KCNK9: variants seen among roughly 807,000 people sequenced by gnomAD.
KCNK9 encodes potassium channel subfamily K member 9.
In KCNK9, 1 loss-of-function variant was observed where a neutral mutation model predicts 10.8. That is an observed-to-expected ratio of 0.09 (90% CI 0.03 to 0.44). The LOEUF is 0.44. Ranked by LOEUF, KCNK9 falls within the 20% of genes least tolerant of loss-of-function variation. KCNK9 has a pLI of 0.97. For synonymous variants in KCNK9, 231 were observed against 222.7 expected, an observed-to-expected ratio of 1.04 and a Z score of -0.33; for missense variants, 303 against 515.0, an observed-to-expected ratio of 0.59 and a Z score of 3.98.
At position 139,702,193 on chromosome 8, in the gene KCNK9, G is replaced by C. The variant is rs1817237654; in HGVS notation, c.283+517C>G. Among the ~76,000 whole-genome samples the C allele has an allele frequency of 6.6e-6, 1 of 152,178 alleles. No homozygotes were observed. Among genetic ancestry groups the C allele is most frequent in the South Asian group, 2.1e-4 (1 of 4,824 alleles). On this transcript the variant is annotated intron_variant, in intron 1 of 1. Coordinates refer to ENST00000520439, the MANE Select transcript of KCNK9 (RefSeq NM_001282534.2). This position sits in a 1 kb window ranked among gnomAD's most constrained non-coding sequence, Gnocchi z 7.5. ...AGAGATGAAATCTGAGCTCAGAGAA[G>C]CCTGGAGCGGGGCCCAGGGGCTACG...
At chr8:139,631,856 C>T (rs947425659) in intron 1 of KCNK9, among the ~76,000 whole-genome samples, 1 of 152,108 alleles carries the variant, frequency 6.6e-6, no homozygotes, top group Non-Finnish European at 1.5e-5. Flanking sequence ...TCAAATCAAA[C>T]TTTAATTCCT....
At chr8:139,673,123 G>C (rs1206129008) in intron 1 of KCNK9, among the ~76,000 whole-genome samples, 1 of 152,156 alleles carries the variant, frequency 6.6e-6, no homozygotes, top group Non-Finnish European at 1.5e-5. Context: ...GTTGACAAAT[G>C]AGTGCCCAGC....
At chr8:139,605,734 T>C (rs1817471908) in intron 2 of KCNK9, among the ~76,000 whole-genome samples, 1 of 152,222 alleles carries the variant, frequency 6.6e-6, no homozygotes, top group African/African-American at 2.4e-5. Flanking sequence ...GTAAAATATA[T>C]ACAGGGCTGC....
rs34018499 is a variant in KCNK9, at chr8:139,637,760, T to TACACACACAC, written c.284-18671_284-18662dup. ...GGATAGATCTTAAGTATTCCTACTC[T>TACACACACAC]ACACACACACACACACACACACACA... On this transcript the variant is annotated intron_variant, in intron 1 of 1. Transcript: ENST00000520439. Among the ~76,000 whole-genome samples, 110 of 146,202 alleles carry TACACACACAC rather than the reference T, an allele frequency of 7.5e-4. 1 individual carries two copies. The highest frequency in any genetic ancestry group is 2.4e-3 in the East Asian group (12 of 4,958).
chr8:139,671,306 C>A (rs1816420720), intron 1 of KCNK9, among the ~76,000 whole-genome samples: 1 of 152,170 alleles, frequency 6.6e-6, no homozygotes, highest in African/African-American at 2.4e-5. Flanking sequence ...CTAGGGGACA[C>A]CCTTCTGGAA....
chr8:139,680,209 G>A (rs1468536360), intron 1 of KCNK9, among the ~76,000 whole-genome samples: 1 of 152,232 alleles, frequency 6.6e-6, no homozygotes, highest in Non-Finnish European at 1.5e-5. Flanking sequence ...TTGGCCAGCA[G>A]CAGCAGGCAC....
intron 1 of KCNK9, among the ~76,000 whole-genome samples, chr8:139,685,342 T>C (rs554356188): frequency 1.3e-5 from 2 of 152,352 alleles, no homozygotes; most frequent in East Asian, 3.9e-4. Flanking sequence ...TGCAGGTTTG[T>C]TACATAGGTA....
intron 1 of KCNK9, among the ~76,000 whole-genome samples, chr8:139,699,870 C>T (rs972220484): frequency 5.3e-5 from 8 of 152,216 alleles, no homozygotes; most frequent in Admixed American, 1.3e-4. Flanking sequence ...CCAGCACCAG[C>T]GGCTCCTGTC....
At chr8:139,647,585 C>T (rs1195414598) in intron 1 of KCNK9, among the ~76,000 whole-genome samples, 2 of 152,144 alleles carry the variant, frequency 1.3e-5, no homozygotes, top group African/African-American at 4.8e-5. Flanking sequence ...CCTGAGACAC[C>T]TACCTGCATG....
In KCNK9 at chr8:139,702,562, C is replaced by T. The variant is rs1817254373; in HGVS notation, c.283+148G>A. On this transcript the variant is annotated intron_variant, in intron 1 of 1. Transcript: ENST00000520439. The surrounding 1 kb of genome is among the most constrained non-coding windows in gnomAD (Gnocchi z 7.5). ...GGAGGCGCCGCGGAGGGGGGGCTCC[C>T]TAGAGAGGAGGGGGCGCTGCGGGAA... is the stretch of plus-strand genomic sequence containing the variant. The T allele has an allele frequency of 2.5e-6, 2 of 815,392 alleles. No individual in the cohort carries two copies. Among genetic ancestry groups the T allele is most frequent in the East Asian group, 2.7e-5 (1 of 36,380 alleles). 50.5% of individuals were successfully genotyped at this position (815,392 alleles called of 1,614,324 possible).
At chr8:139,662,010 G>C (rs1816163619) in intron 1 of KCNK9, among the ~76,000 whole-genome samples, 1 of 152,248 alleles carries the variant, frequency 6.6e-6, no homozygotes, top group Non-Finnish European at 1.5e-5. Flanking sequence ...GAGGGGCTCA[G>C]GTCAGGATGG....
chr8:139,610,081 A>G (rs1297153799), downstream of KCNK9, among the ~76,000 whole-genome samples: 1 of 152,070 alleles, frequency 6.6e-6, no homozygotes, highest in Non-Finnish European at 1.5e-5. Context: ...GCCCTCCCTC[A>G]GCCTCCACCA....
chr8:139,613,601 C>T (rs1208819748), downstream of KCNK9, among the ~76,000 whole-genome samples: 1 of 152,202 alleles, frequency 6.6e-6, no homozygotes, highest in Admixed American at 6.5e-5. Context: ...AGGCCAAATG[C>T]TTTTGTGGGT....
At chr8:139,679,404 C>G (rs1025640922) in intron 1 of KCNK9, among the ~76,000 whole-genome samples, 1 of 152,250 alleles carries the variant, frequency 6.6e-6, no homozygotes, top group African/African-American at 2.4e-5. Context: ...CCCCAGGAGC[C>G]CTGCCAGCCG....
intron 2 of KCNK9, among the ~76,000 whole-genome samples, chr8:139,602,313 G>A (rs1817391075): frequency 6.6e-6 from 1 of 152,196 alleles, no homozygotes; most frequent in Non-Finnish European, 1.5e-5. Context: ...CAGTGTTCCG[G>A]GGAAAACGGA....
At chr8:139,602,940 C>G (rs1045214595) in intron 2 of KCNK9, among the ~76,000 whole-genome samples, 1 of 152,186 alleles carries the variant, frequency 6.6e-6, no homozygotes, top group African/African-American at 2.4e-5. Flanking sequence ...CTCTTTGTCA[C>G]CGTGGTTTCA....
At chr8:139,610,413 C>A (rs1296432899), downstream of KCNK9, among the ~76,000 whole-genome samples, 4 of 152,200 alleles carry the variant, frequency 2.6e-5, no homozygotes, top group African/African-American at 9.6e-5. Context: ...GCCAAGTAAG[C>A]TTAAGAATTT....
Position 139,640,772 on chromosome 8 carries a change from G to C in KCNK9, c.284-21673C>G, listed in dbSNP as rs558361080. On this transcript the variant is annotated intron_variant, in intron 1 of 1. Coordinates refer to ENST00000520439, the MANE Select transcript of KCNK9 (RefSeq NM_001282534.2). Reference sequence around the variant, plus strand: ...CCATCTTCATTTCTACCGCCCTCTGGCTGAAATTTAGCATTTCTTGTTGCT... The same window carrying C: ...CCATCTTCATTTCTACCGCCCTCTGCCTGAAATTTAGCATTTCTTGTTGCT... Among the ~76,000 whole-genome samples the C allele has an allele frequency of 9.2e-5, 14 of 152,332 alleles. No individual in the cohort carries two copies. The East Asian group carries it at 2.5e-3, about 27-fold the overall frequency.
chr8:139,618,924 G>A lies in KCNK9; in HGVS notation c.459C>T (p.Asp153=), dbSNP rs776045672. Residue 153 remains aspartate, a synonymous_variant, in exon 2 of 2, where the codon GAC becomes GAT. Transcript: ENST00000520439. This position sits in a 1 kb window ranked among gnomAD's most constrained non-coding sequence, Gnocchi z 7.9. ...IKKCCGMRNT[D]VSMENMVTVG... is the part of the protein sequence containing the mutation. ...CAGTCACCATGTTCTCCATAGACAC[G>A]TCAGTGTTGCGCATGCCACAGCACT... 1.5e-5 allele frequency: 24 copies of A among 1,614,122 alleles called. No individual in the cohort carries two copies. The African/African-American group carries it at 2.0e-4, about 13-fold the overall frequency.
Sources: allele counts gnomAD v4.1 joint callset (sites outside exome capture counted in the v4.1 genomes callset), GRCh38; gene constraint gnomAD v4.1.1; non-coding constraint Gnocchi (gnomAD v3.1); transcripts MANE v1.5; gene names NCBI Gene and HGNC (gene_info 2026-07-23, HGNC 2026-07-21).